The following EXOC7 variants were observed in gnomAD, a reference collection of about 807,000 sequenced individuals.
The protein encoded by EXOC7 is exocyst complex component 7.
A neutral mutation model predicts 87.6 loss-of-function variants in EXOC7; 51 were observed. The observed-to-expected ratio is 0.58, with a 90% CI of 0.46 to 0.73. The LOEUF is 0.73. Ranked by LOEUF, EXOC7 falls within the 30% of genes least tolerant of loss-of-function variation. The pLI, the probability that EXOC7 is intolerant of heterozygous loss-of-function variation, is 0.00. For synonymous variants in EXOC7, 327 were observed against 357.1 expected (o/e 0.92, Z 0.95); for missense variants, 744 against 888.4 (o/e 0.84, Z 2.07).
In EXOC7 at chr17:76,098,983, T is replaced by C. The variant is rs575548864; in HGVS notation, c.418-965A>G. Among the ~76,000 whole-genome samples the C allele has an allele frequency of 2.6e-5, 4 of 152,196 alleles. No individual in the cohort carries two copies. The East Asian group carries it at 7.7e-4, about 29-fold the overall frequency. On this transcript the variant is annotated intron_variant, in intron 4 of 18. Coordinates refer to ENST00000589210, the MANE Select transcript of EXOC7 (RefSeq NM_001013839.4). ...ATAAATAAATTGAACAATATCAAGT[T>C]GAAAACTTTTGTGCTGCAAATGATA...
At chr17:76,090,174 A>C in intron 7 of EXOC7, 1 of 832,734 alleles carries the variant, frequency 1.2e-6, no homozygotes. Flanking sequence ...AAGGAGACCT[A>C]GGCCCAAAAG....
At position 76,085,345 on chromosome 17, in the gene EXOC7, T is replaced by C. The variant is rs1429326767; in HGVS notation, c.1681A>G (p.Ile561Val). 2 of 1,608,608 alleles carry C rather than the reference T, an allele frequency of 1.2e-6. No individual in the cohort carries two copies. The highest frequency in any genetic ancestry group is 2.2e-5 in the East Asian group (1 of 44,772). Residue 561 changes from isoleucine to valine, a missense_variant, in exon 15 of 19, where the codon ATT (isoleucine) becomes GTT (valine). Physicochemically the swap from Ile to Val is conservative, Grantham distance 29. This residue lies in a region of EXOC7 where 228 missense variants were observed against 298.6 expected (regional missense o/e 0.76). Transcript: ENST00000589210. ...KTAERSYREH[I>V]EQQIQTYQRS... is the part of the protein sequence containing the mutation. The stretch of plus-strand genomic sequence containing the variant: ...TGGTAGGTCTGGATCTGCTGCTCAA[T>C]GTGCTCCCGGTAGGAGCGCTCAGCA...
intron 12 of EXOC7, chr17:76,086,942 G>A: frequency 6.6e-7 from 1 of 1,517,572 alleles, no homozygotes; most frequent in Non-Finnish European, 9.0e-7. Flanking sequence ...GAGAGACAAA[G>A]GAGGGAGAAA....
At chr17:76,088,993 C>A (rs1028737157) in intron 8 of EXOC7, 70 bp from the exon 9 acceptor site, 2 of 1,541,638 alleles carry the variant, frequency 1.3e-6, no homozygotes, top group Non-Finnish European at 1.8e-6. Context: ...AGTGGGGGAT[C>A]CTTGCAGTAT....
chr17:76,099,528 A>G (rs973672462), intron 4 of EXOC7, among the ~76,000 whole-genome samples: 2 of 152,150 alleles, frequency 1.3e-5, no homozygotes, highest in Non-Finnish European at 2.9e-5. Flanking sequence ...ACAAAACAAA[A>G]AACCAAAAAA....
intron 2 of EXOC7, among the ~76,000 whole-genome samples, chr17:76,102,276 A>C (rs549573233): frequency 1.3e-5 from 2 of 152,276 alleles, no homozygotes; most frequent in South Asian, 4.1e-4. Flanking sequence ...GATGAAACTC[A>C]TTGAATAAGG....
At chr17:76,098,588 A>C (rs970043097) in intron 4 of EXOC7, among the ~76,000 whole-genome samples, 1 of 151,168 alleles carries the variant, frequency 6.6e-6, no homozygotes, top group East Asian at 2.0e-4. Context: ...TTGGCCGTGC[A>C]CGGTGGCTCA....
chr17:76,089,507 G>A (rs764057107), intron 7 of EXOC7, 187 bp from the exon 8 acceptor site: 19 of 660,690 alleles, frequency 2.9e-5, no homozygotes, highest in Non-Finnish European at 4.3e-5. Flanking sequence ...GGAATAAAAG[G>A]AGCTGAGCCC....
chr17:76,096,511 CAA>C (rs780542530), intron 5 of EXOC7, among the ~76,000 whole-genome samples: 24 of 70,030 alleles, frequency 3.4e-4, no homozygotes, highest in African/African-American at 1.2e-3. Flanking sequence ...GACTCTGTCT[CAA>C]AAAAAAAAAA....
rs779754541 is a variant in EXOC7 at position 76,094,570 on chromosome 17, C to T, written c.652G>A (p.Val218Ile). The change falls in exon 6 of 19, where the codon GTC becomes ATC. Residue 218 changes from valine (V) to isoleucine (I), a missense_variant. By Grantham distance (29) the Val-to-Ile change is conservative (BLOSUM62 3). Transcript: ENST00000589210. ...TGGCTGGAGCGTATCTGGTAGTAGA[C>T]GTTCATGAAATCTGAGGAGACACAG... ...EYGRNQDFMN[V>I]YYQIRSSQLD... is the part of the protein sequence containing the mutation. The T allele has an allele frequency of 9.9e-6, 16 of 1,612,566 alleles. No homozygotes were observed. The highest frequency in any genetic ancestry group is 1.3e-5 in the Non-Finnish European group (15 of 1,179,468).
Position 76,088,551 on chromosome 17 carries a change from G to A in EXOC7, c.1212C>T (p.Ala404=), listed in dbSNP as rs762964625. Reference sequence around the variant, plus strand: ...GGCCAGGCAGCTTGTTCTTTGTGCTGGCAGCCGTGCCCTGAGGAAGCACAG... The same window carrying A: ...GGCCAGGCAGCTTGTTCTTTGTGCTAGCAGCCGTGCCCTGAGGAAGCACAG... ...EFDQVLQGTA[A]STKNKLPGLI... Residue 404 remains alanine, a synonymous_variant, in exon 10 of 19, where the codon GCC becomes GCT. Coordinates refer to ENST00000589210, the MANE Select transcript of EXOC7 (RefSeq NM_001013839.4). The A allele has an allele frequency of 2.5e-5, 41 of 1,613,314 alleles. No individual in the cohort carries two copies. The highest frequency in any genetic ancestry group is 5.9e-6 in the Non-Finnish European group (7 of 1,179,810).
rs750670426 is a variant in EXOC7 at position 76,082,445 on chromosome 17, C to T, written c.*1203G>A. ...GGACCTTGAAGAACAGCTCCTTTCC[C>T]TGTATCTCTCCCCACAGAGCCCTCC... is the stretch of plus-strand genomic sequence containing the variant. On this transcript the variant is annotated 3_prime_UTR_variant, in exon 19 of 19. Coordinates refer to ENST00000589210, the MANE Select transcript of EXOC7 (RefSeq NM_001013839.4). 5 of 1,587,366 alleles carry T rather than the reference C, an allele frequency of 3.1e-6. No homozygotes were observed. The South Asian group carries it at 5.7e-5, about 18-fold the overall frequency.
At chr17:76,098,135 C>T (rs1270831218) in intron 4 of EXOC7, 117 bp from the exon 5 acceptor site, 3 of 820,134 alleles carry the variant, frequency 3.7e-6, no homozygotes, top group Non-Finnish European at 5.7e-6. Flanking sequence ...CCTTTTCTGC[C>T]CTGATATCTT....
At position 76,081,523 on chromosome 17, in the gene EXOC7, G is replaced by C. The variant is rs1239794562; in HGVS notation, c.*2125C>G. 2 of 1,612,354 alleles carry C rather than the reference G, an allele frequency of 1.2e-6. No individual in the cohort carries two copies. The highest frequency in any genetic ancestry group is 1.7e-6 in the Non-Finnish European group (2 of 1,179,784). ...CACCTCCTTCCCCCCCGCCGGGAAGGCCCTGACTTTTCCCCTTCCAGCTGA... is the reference window on the plus strand; with the variant it reads ...CACCTCCTTCCCCCCCGCCGGGAAGCCCCTGACTTTTCCCCTTCCAGCTGA... On this transcript the variant is annotated 3_prime_UTR_variant, in exon 19 of 19. Transcript: ENST00000589210.
At chr17:76,085,039 C>T (rs1277733102) in intron 15 of EXOC7, 2 of 515,410 alleles carry the variant, frequency 3.9e-6, no homozygotes, top group Admixed American at 6.7e-5. Context: ...TAAACATTAC[C>T]CACGTCTCTG....
intron 13 of EXOC7, 105 bp downstream of exon 13, chr17:76,085,975 A>C: frequency 6.6e-7 from 1 of 1,514,160 alleles, no homozygotes. Flanking sequence ...ATCAGATGGC[A>C]CTTAGGAGAG....
chr17:76,090,773 C>T (rs2067442822), intron 7 of EXOC7: 1 of 524,012 alleles, frequency 1.9e-6, no homozygotes, highest in Admixed American at 3.4e-5. Context: ...ACACACTCCC[C>T]TTTCTAAAGA....
intron 4 of EXOC7, 187 bp downstream of exon 4, chr17:76,101,084 A>C: frequency 8.7e-7 from 1 of 1,150,604 alleles, no homozygotes; most frequent in Non-Finnish European, 1.1e-6. Context: ...TTTTATAATA[A>C]AGAATTTTTA....
chr17:76,094,386 G>T (rs1311555254), intron 6 of EXOC7, 28 bp downstream of exon 6: 1 of 1,601,236 alleles, frequency 6.2e-7, no homozygotes. Context: ...TCTGGCTGTT[G>T]CAGAGATGGG....
Sources: gnomAD v4.1 joint callset for allele counts (sites outside exome capture counted in the v4.1 genomes callset) on GRCh38, gnomAD v4.1.1 for gene constraint, gnomAD v4.1.1 regional missense constraint, MANE v1.5 for transcripts, NCBI Gene and HGNC (gene_info 2026-07-23, HGNC 2026-07-21) for gene names.